Variants in LRMDA observed in about 807,000 individuals in gnomAD.
LRMDA encodes leucine-rich melanocyte differentiation-associated protein.
Under a neutral mutation model 29.8 loss-of-function variants are expected in LRMDA, and 18 were observed. The observed-to-expected ratio is 0.60, with a 90% CI of 0.42 to 0.90. The LOEUF (loss-of-function observed/expected upper bound fraction) is 0.90. LRMDA is among the 40% of genes least tolerant of loss of function. The pLI is 0.00. For synonymous variants in LRMDA, 125 were observed against 109.4 expected, an observed-to-expected ratio of 1.14 and a Z score of -0.89; for missense variants, 273 against 273.9, an observed-to-expected ratio of 1.00 and a Z score of 0.02.
At chr10:75,636,971 T>C (rs1050356584) in intron 2 of LRMDA, among the ~76,000 whole-genome samples, 1 of 152,246 alleles carries the variant, frequency 6.6e-6, no homozygotes, top group Non-Finnish European at 1.5e-5. Flanking sequence ...ATCTAACCTA[T>C]TGAACACTTA....
intron 5 of LRMDA, among the ~76,000 whole-genome samples, chr10:76,311,567 T>A (rs1382764386): frequency 6.6e-6 from 1 of 152,184 alleles, no homozygotes; most frequent in Non-Finnish European, 1.5e-5. Context: ...TAAGGCCCCA[T>A]AAAATTGGCA....
At chr10:75,653,999 A>G (rs918746448) in intron 2 of LRMDA, among the ~76,000 whole-genome samples, 1 of 152,136 alleles carries the variant, frequency 6.6e-6, no homozygotes, top group South Asian at 2.1e-4. Flanking sequence ...CTCTATGTGG[A>G]CATTTGGTCC....
At chr10:76,501,589 T>C (rs1034207507) in intron 6 of LRMDA, among the ~76,000 whole-genome samples, 1 of 152,078 alleles carries the variant, frequency 6.6e-6, no homozygotes, top group Non-Finnish European at 1.5e-5. Context: ...TTTTCCATTG[T>C]GGTTTTCATT....
chr10:76,157,621 C>CA (rs34383363), intron 5 of LRMDA, among the ~76,000 whole-genome samples: 31 of 148,730 alleles, frequency 2.1e-4, no homozygotes, highest in African/African-American at 5.7e-4. Context: ...CTCTTAAAAA[C>CA]AAAAAAAAAG....
At chr10:76,111,958 C>T (rs1474271222) in intron 5 of LRMDA, among the ~76,000 whole-genome samples, 1 of 152,214 alleles carries the variant, frequency 6.6e-6, no homozygotes, top group Non-Finnish European at 1.5e-5. Flanking sequence ...TAATTAAAAC[C>T]TTACCTGTCA....
At chr10:76,014,517 A>C (rs940634059) in intron 2 of LRMDA, among the ~76,000 whole-genome samples, 4 of 152,146 alleles carry the variant, frequency 2.6e-5, no homozygotes, top group African/African-American at 9.7e-5. Flanking sequence ...TACACACCAA[A>C]AGGACAGAAT....
At chr10:76,184,754 C>A (rs1057376503) in intron 5 of LRMDA, among the ~76,000 whole-genome samples, 4 of 152,138 alleles carry the variant, frequency 2.6e-5, no homozygotes, top group African/African-American at 9.7e-5. Context: ...CTTTAACATT[C>A]CCGCTGTCTT....
intron 2 of LRMDA, among the ~76,000 whole-genome samples, chr10:75,559,284 G>T (rs942895448): frequency 2.7e-5 from 4 of 150,742 alleles, no homozygotes; most frequent in Admixed American, 2.0e-4. Context: ...GATGGCCAGT[G>T]ATGGTGAGCA....
In LRMDA at chr10:76,410,826, C is replaced by G. The variant is rs112611616; in HGVS notation, c.601+86341C>G. On this transcript the variant is annotated intron_variant, in intron 6 of 6. Coordinates refer to ENST00000611255, the MANE Select transcript of LRMDA (RefSeq NM_001305581.2). ...AAAATTATCCAGGCATGGTGGTGAG[C>G]GCCTGTAATCCCAGCAGGCTGAGGT... Among the ~76,000 whole-genome samples the G allele has an allele frequency of 2.8e-3, 432 of 152,142 alleles. 3 individuals are homozygous for G. Among genetic ancestry groups the G allele is most frequent in the African/African-American group, 1.0e-2 (415 of 41,522 alleles).
At chr10:76,046,390 C>G (rs1035210345) in intron 3 of LRMDA, among the ~76,000 whole-genome samples, 2 of 152,096 alleles carry the variant, frequency 1.3e-5, no homozygotes, top group East Asian at 1.9e-4. Context: ...ATCATGCCCC[C>G]CTCTGACTTT....
chr10:75,483,879 T>TTTTTTA lies in LRMDA; in HGVS notation c.131+45385_131+45386insTTTTTA, dbSNP rs10676051. ...CTAGTATGGAGAGGTTTTTTTTTTTTAATGATTTTTCAGGTAGTATTACTT... is the reference window on the plus strand; with the variant it reads ...CTAGTATGGAGAGGTTTTTTTTTTTTTTTTTAAATGATTTTTCAGGTAGTATTACTT... On this transcript the variant is annotated intron_variant, in intron 2 of 6. Coordinates refer to ENST00000611255, the MANE Select transcript of LRMDA (RefSeq NM_001305581.2). 1.3e-5 allele frequency among the ~76,000 whole-genome samples: 2 copies of TTTTTTA among 150,542 alleles called. 1 individual carries two copies. The highest frequency in any genetic ancestry group is 4.2e-4 in the South Asian group (2 of 4,778).
At chr10:76,300,757 A>G (rs578108440) in intron 5 of LRMDA, among the ~76,000 whole-genome samples, 1 of 152,318 alleles carries the variant, frequency 6.6e-6, no homozygotes, top group African/African-American at 2.4e-5. Context: ...TCCTCTCAAC[A>G]TGGTGCAAAG....
chr10:76,306,538 C>A (rs1482123432), intron 5 of LRMDA, among the ~76,000 whole-genome samples: 1 of 152,152 alleles, frequency 6.6e-6, no homozygotes, highest in Non-Finnish European at 1.5e-5. Context: ...CTAAGCTGTC[C>A]AGGACACATT....
chr10:75,798,747 AT>A, intron 2 of LRMDA, among the ~76,000 whole-genome samples: 1 of 151,956 alleles, frequency 6.6e-6, no homozygotes, highest in South Asian at 2.1e-4. Context: ...GTATAGTTTA[AT>A]TTTCAATTAT....
At chr10:75,512,601 G>A (rs1003416454) in intron 2 of LRMDA, among the ~76,000 whole-genome samples, 1 of 152,168 alleles carries the variant, frequency 6.6e-6, no homozygotes, top group South Asian at 2.1e-4. Flanking sequence ...CGAGTGAGTC[G>A]TGATGGTTCT....
At chr10:76,025,982 T>C (rs755191245) in intron 2 of LRMDA, among the ~76,000 whole-genome samples, 12 of 152,108 alleles carry the variant, frequency 7.9e-5, no homozygotes, top group Non-Finnish European at 1.5e-5. Context: ...TATAAATGAA[T>C]GAATGAACAA....
At chr10:76,137,652 A>C (rs1489218101) in intron 5 of LRMDA, among the ~76,000 whole-genome samples, 1 of 152,122 alleles carries the variant, frequency 6.6e-6, no homozygotes, top group Non-Finnish European at 1.5e-5. Flanking sequence ...AATGGAGTTT[A>C]TGCTATAGCC....
chr10:76,143,944 A>G (rs1850258802), intron 5 of LRMDA, among the ~76,000 whole-genome samples: 2 of 152,344 alleles, frequency 1.3e-5, no homozygotes, highest in South Asian at 4.1e-4. Flanking sequence ...TTTATTAAAT[A>G]GGGAATCCTT....
At position 75,762,967 on chromosome 10, in the gene LRMDA, C is replaced by T. The variant is rs528272868; in HGVS notation, c.132-273041C>T. On this transcript the variant is annotated intron_variant, in intron 2 of 6. Coordinates refer to ENST00000611255, the MANE Select transcript of LRMDA (RefSeq NM_001305581.2). ...GGAAAGGAAGCTTCATTTCTTCCTA[C>T]CAAGAAAGAAAGGGACTCCCTGGGG... is the stretch of plus-strand genomic sequence containing the variant. Among the ~76,000 whole-genome samples the T allele has an allele frequency of 5.3e-5, 8 of 152,266 alleles. No individual in the cohort carries two copies. In the East Asian group the frequency reaches 1.5e-3, roughly 29 times the overall value.
Sources: allele counts gnomAD v4.1 joint callset (sites outside exome capture counted in the v4.1 genomes callset), GRCh38; gene constraint gnomAD v4.1.1; transcripts MANE v1.5; gene names NCBI Gene and HGNC (gene_info 2026-07-23, HGNC 2026-07-21).